The following PALLD variants were observed in gnomAD, a reference collection of about 807,000 sequenced individuals.
The protein encoded by PALLD is palladin.
A neutral mutation model predicts 123.5 loss-of-function variants in PALLD; 61 were observed. The observed-to-expected ratio is 0.49, with a 90% CI of 0.40 to 0.61. The LOEUF (loss-of-function observed/expected upper bound fraction) is 0.61, where lower values mean the gene tolerates loss of function less well. Ranked by LOEUF, PALLD falls within the 20% of genes least tolerant of loss-of-function variation. The pLI is 0.00. For missense variants in PALLD, 1,273 were observed against 1,377.0 expected (o/e 0.92, Z 1.20); for synonymous variants, 465 against 496.4 (o/e 0.94, Z 0.84).
intron 10 of PALLD, among the ~76,000 whole-genome samples, chr4:168,781,496 A>G (rs1735921688): frequency 6.6e-6 from 1 of 152,214 alleles, no homozygotes; most frequent in African/African-American, 2.4e-5. Flanking sequence ...CCAGGGGCAG[A>G]GGCCGGGAAG....
At chr4:168,587,151 AT>A (rs941257043) in intron 2 of PALLD, among the ~76,000 whole-genome samples, 3 of 152,302 alleles carry the variant, frequency 2.0e-5, no homozygotes, top group African/African-American at 7.2e-5. Flanking sequence ...TGCAGTGCTG[AT>A]GTTGAAGAAT....
chr4:168,615,326 G>A lies in PALLD; in HGVS notation c.909-52864G>A, dbSNP rs551492795. 2.0e-5 allele frequency among the ~76,000 whole-genome samples: 3 copies of A among 152,178 alleles called. No homozygotes were observed. The South Asian group carries it at 6.2e-4, about 32-fold the overall frequency. ...CTACATTGTGGCATATACCACAAAGGGCTCGGGTATCAGGCAAGGGAAAAA... is the reference window on the plus strand; with the variant it reads ...CTACATTGTGGCATATACCACAAAGAGCTCGGGTATCAGGCAAGGGAAAAA... On this transcript the variant is annotated intron_variant, in intron 2 of 21. Coordinates refer to ENST00000505667, the MANE Select transcript of PALLD (RefSeq NM_001166108.2).
At chr4:168,806,221 C>T (rs1254701227) in intron 10 of PALLD, among the ~76,000 whole-genome samples, 2 of 152,144 alleles carry the variant, frequency 1.3e-5, no homozygotes, top group East Asian at 1.9e-4. Flanking sequence ...TGTGCCACCA[C>T]GCCTGGCTAA....
chr4:168,782,979 TG>T (rs1466494407), intron 10 of PALLD, among the ~76,000 whole-genome samples: 1 of 152,000 alleles, frequency 6.6e-6, no homozygotes, highest in Non-Finnish European at 1.5e-5. Flanking sequence ...ATTTGGACTA[TG>T]GACCATAGTT....
chr4:168,851,481 C>T (rs1747777118), intron 10 of PALLD, among the ~76,000 whole-genome samples: 1 of 152,142 alleles, frequency 6.6e-6, no homozygotes, highest in African/African-American at 2.4e-5. Flanking sequence ...AATTCTCATG[C>T]TTCGGCCTCC....
intron 10 of PALLD, among the ~76,000 whole-genome samples, chr4:168,812,318 T>C (rs1278735757): frequency 2.0e-5 from 3 of 152,134 alleles, no homozygotes; most frequent in African/African-American, 7.2e-5. Context: ...TATCTAAGAA[T>C]CTCTGCTTTC....
At position 168,671,475 on chromosome 4, in the gene PALLD, A is replaced by G. The variant is rs1353078909; in HGVS notation, c.1087+3107A>G. On this transcript the variant is annotated intron_variant, in intron 3 of 21. Coordinates refer to ENST00000505667, the MANE Select transcript of PALLD (RefSeq NM_001166108.2). ...CATCCGACACCTTTGGGTACCTCTG[A>G]CTATAGATAGATCGTATGTGACTTT... Among the ~76,000 whole-genome samples, 3 of 152,196 alleles carry G rather than the reference A, an allele frequency of 2.0e-5. No individual in the cohort carries two copies. In the East Asian group the frequency reaches 5.8e-4, roughly 29 times the overall value.
At chr4:168,606,009 A>G (rs180673727) in intron 2 of PALLD, among the ~76,000 whole-genome samples, 2 of 152,160 alleles carry the variant, frequency 1.3e-5, no homozygotes, top group Admixed American at 6.5e-5. Context: ...AATTTCTACA[A>G]TCATTGCTAA....
At chr4:168,686,808 A>G (rs1249578686) in intron 6 of PALLD, 1 of 152,242 alleles carries the variant, frequency 6.6e-6, no homozygotes, top group Non-Finnish European at 1.5e-5. Context: ...AAGAATAGCC[A>G]GGATACACCT....
At chr4:168,662,491 G>A (rs28520358) in intron 2 of PALLD, among the ~76,000 whole-genome samples, 17,812 of 152,268 alleles carry the variant, frequency 0.12, 1,417 homozygotes, top group African/African-American at 0.23. Flanking sequence ...TGTCTCACTA[G>A]CAAAGAACAT....
intron 13 of PALLD, 48 bp downstream of exon 13, chr4:168,896,647 T>C: frequency 9.7e-7 from 1 of 1,027,038 alleles, no homozygotes; most frequent in Non-Finnish European, 1.5e-6. Context: ...TCTGTGTCTG[T>C]TTTCTTCTGT....
intron 2 of PALLD, among the ~76,000 whole-genome samples, chr4:168,541,657 T>G (rs1765632405): frequency 6.6e-6 from 1 of 152,094 alleles, no homozygotes; most frequent in Non-Finnish European, 1.5e-5. Flanking sequence ...TTCACCATGT[T>G]GGCCAGGCTA....
At chr4:168,778,854 T>A (rs1183526082) in intron 10 of PALLD, among the ~76,000 whole-genome samples, 9 of 152,168 alleles carry the variant, frequency 5.9e-5, no homozygotes, top group Non-Finnish European at 1.3e-4. Flanking sequence ...ACAGGCAGAG[T>A]CTCACTATGT....
At chr4:168,721,377 A>G (rs1785998090) in intron 10 of PALLD, among the ~76,000 whole-genome samples, 1 of 152,160 alleles carries the variant, frequency 6.6e-6, no homozygotes, top group African/African-American at 2.4e-5. Flanking sequence ...TATGAATTTG[A>G]TGGAAAATAT....
In PALLD at chr4:168,835,708, T is replaced by C. The variant is rs147894929; in HGVS notation, c.1965-55214T>C. On this transcript the variant is annotated intron_variant, in intron 10 of 21. Coordinates refer to ENST00000505667, the MANE Select transcript of PALLD (RefSeq NM_001166108.2). ...CCAAAGAGTTTTTTGTTTGTTTTGT[T>C]GTTTTTTTGAGACATAGTCTCGCTC... 1.8e-3 allele frequency among the ~76,000 whole-genome samples: 270 copies of C among 147,374 alleles called. 4 individuals carry two copies. Among genetic ancestry groups the C allele is most frequent in the East Asian group, 7.5e-3 (37 of 4,936 alleles).
chr4:168,599,615 A>T (rs1199274139), intron 2 of PALLD, among the ~76,000 whole-genome samples: 3 of 152,138 alleles, frequency 2.0e-5, no homozygotes, highest in Non-Finnish European at 4.4e-5. Flanking sequence ...AAAAAGAGCA[A>T]GTTAGCCAGG....
At chr4:168,833,918 A>AG (rs935013877) in intron 10 of PALLD, among the ~76,000 whole-genome samples, 3 of 149,154 alleles carry the variant, frequency 2.0e-5, no homozygotes, top group African/African-American at 7.5e-5. Context: ...TTATAACTTG[A>AG]GGGAGGCAGT....
chr4:168,882,106 A>G (rs1272889694), intron 10 of PALLD, among the ~76,000 whole-genome samples: 3 of 152,214 alleles, frequency 2.0e-5, no homozygotes, highest in South Asian at 4.1e-4. Context: ...ATGTTGCCCC[A>G]TGTTTGTCAC....
chr4:168,814,497 A>C (rs1741625279), intron 10 of PALLD, among the ~76,000 whole-genome samples: 1 of 152,206 alleles, frequency 6.6e-6, no homozygotes, highest in Non-Finnish European at 1.5e-5. Context: ...ATTCTGATTT[A>C]AAATGAGGTC....
Sources: allele counts gnomAD v4.1 joint callset (sites outside exome capture counted in the v4.1 genomes callset), GRCh38; gene constraint gnomAD v4.1.1; transcripts MANE v1.5; gene names NCBI Gene and HGNC (gene_info 2026-07-23, HGNC 2026-07-21).